Variants in TEK observed in about 807,000 individuals in gnomAD.
The protein encoded by TEK is TEK receptor tyrosine kinase.
A neutral mutation model predicts 131.8 loss-of-function variants in TEK; 43 were observed. The observed-to-expected ratio is 0.33, with a 90% CI of 0.26 to 0.42. The LOEUF is 0.42. TEK is among the 10% of genes least tolerant of loss of function. The pLI, the probability that TEK is intolerant of heterozygous loss-of-function variation, is 1.00. For missense variants in TEK, 1,162 were observed against 1,384.4 expected, an observed-to-expected ratio of 0.84 and a Z score of 2.55; for synonymous variants, 580 against 491.6, an observed-to-expected ratio of 1.18 and a Z score of -2.38.
chr9:27,206,620 G>A lies in TEK; in HGVS notation c.2403G>A (p.Leu801=), dbSNP rs1825409762. The A allele has an allele frequency of 6.2e-7, 1 of 1,613,910 alleles. No homozygotes were observed. Residue 801 remains leucine, a synonymous_variant, in exon 15 of 23, where the codon CTG becomes CTA. Transcript: ENST00000380036. ...CTGTGCAGTTCAACTCAGGGACTCT[G>A]GCCCTAAACAGGAAGGTCAAAAACA... The part of the protein sequence containing the change: ...EPAVQFNSGT[L]ALNRKVKNNP...
At chr9:27,223,289 A>G (rs1175795402) in intron 21 of TEK, among the ~76,000 whole-genome samples, 1 of 152,224 alleles carries the variant, frequency 6.6e-6, no homozygotes, top group Non-Finnish European at 1.5e-5. Flanking sequence ...ATAGACATCT[A>G]CAGAACTCTC....
In TEK at chr9:27,201,765, C is replaced by G. The variant is rs571599724; in HGVS notation, c.1910-1055C>G. ...GTTCTAAATTGTTTATAAGCAGTAACTTTCATGTGGAAAAACAATGGTGTA... is the reference window on the plus strand; with the variant it reads ...GTTCTAAATTGTTTATAAGCAGTAAGTTTCATGTGGAAAAACAATGGTGTA... On this transcript the variant is annotated intron_variant, in intron 12 of 22. Transcript: ENST00000380036. Among the ~76,000 whole-genome samples, 33 of 152,296 alleles carry G rather than the reference C, an allele frequency of 2.2e-4. 1 individual carries two copies. The South Asian group carries it at 6.6e-3, about 31-fold the overall frequency.
chr9:27,194,405 T>C (rs1243051305), intron 11 of TEK, among the ~76,000 whole-genome samples: 1 of 152,122 alleles, frequency 6.6e-6, no homozygotes. Flanking sequence ...ATAGAAGCAT[T>C]ACACACAAGT....
intron 2 of TEK, among the ~76,000 whole-genome samples, chr9:27,166,369 T>G (rs1188558359): frequency 2.0e-5 from 3 of 152,270 alleles, no homozygotes; most frequent in Non-Finnish European, 4.4e-5. Context: ...TTAGTAATTT[T>G]CAGTCTTTTT....
At chr9:27,133,109 C>T (rs1436984805) in intron 1 of TEK, among the ~76,000 whole-genome samples, 2 of 152,208 alleles carry the variant, frequency 1.3e-5, no homozygotes, top group Non-Finnish European at 2.9e-5. Flanking sequence ...CATATTGTTA[C>T]TGAGTAATGC....
chr9:27,179,209 C>G (rs1418044057), intron 6 of TEK, among the ~76,000 whole-genome samples: 1 of 152,096 alleles, frequency 6.6e-6, no homozygotes, highest in Non-Finnish European at 1.5e-5. Flanking sequence ...TTGACTCTTT[C>G]TTTTGTTATC....
Position 27,229,735 on chromosome 9 carries a change from T to C in TEK, c.*503T>C, listed in dbSNP as rs987810436. On this transcript the variant is annotated 3_prime_UTR_variant, in exon 23 of 23. Transcript: ENST00000380036. ...AAGACACTGAAAAATCTAAGTGATA[T>C]AAATCAGATTCTTCTCTCTCAATTT... The C allele has an allele frequency of 6.0e-6, 1 of 166,666 alleles. No homozygotes were observed. The highest frequency in any genetic ancestry group is 2.4e-5 in the African/African-American group (1 of 41,632). 10.3% of individuals were successfully genotyped at this position (166,666 alleles called of 1,614,324 possible).
chr9:27,174,809 C>T (rs1358154000), intron 6 of TEK, among the ~76,000 whole-genome samples: 1 of 152,014 alleles, frequency 6.6e-6, no homozygotes, highest in African/African-American at 2.4e-5. Context: ...TGACTCCAGG[C>T]AGGGGGCAGA....
At chr9:27,220,261 A>G (rs1265270938) in intron 21 of TEK, 116 bp downstream of exon 21, 1 of 861,084 alleles carries the variant, frequency 1.2e-6, no homozygotes, top group African/African-American at 1.7e-5. Flanking sequence ...ACCTACACAC[A>G]GAGATCCCAA....
At chr9:27,223,814 A>G (rs978083987) in intron 21 of TEK, among the ~76,000 whole-genome samples, 1 of 152,220 alleles carries the variant, frequency 6.6e-6, no homozygotes, top group Non-Finnish European at 1.5e-5. Context: ...CTTCAAAAAA[A>G]ATCAGTGAAT....
At chr9:27,147,644 G>A (rs899415096) in intron 1 of TEK, among the ~76,000 whole-genome samples, 4 of 152,052 alleles carry the variant, frequency 2.6e-5, no homozygotes, top group African/African-American at 9.7e-5. Flanking sequence ...AATTTTTGGT[G>A]TCATAGCTAA....
intron 11 of TEK, among the ~76,000 whole-genome samples, chr9:27,194,015 C>T (rs1222499427): frequency 6.6e-6 from 1 of 152,112 alleles, no homozygotes; most frequent in Non-Finnish European, 1.5e-5. Context: ...GCTTTGTTGC[C>T]CAGGCTGGTC....
rs570753890 is a variant in TEK at position 27,153,375 on chromosome 9, G to A, written c.53-4456G>A. Among the ~76,000 whole-genome samples the A allele has an allele frequency of 5.3e-5, 8 of 152,316 alleles. No homozygotes were observed. In the South Asian group the frequency reaches 6.2e-4, roughly 12 times the overall value. On this transcript the variant is annotated intron_variant, in intron 1 of 22. Coordinates refer to ENST00000380036, the MANE Select transcript of TEK (RefSeq NM_000459.5). ...TGAGGCAGGAGATTCTTTTGAACCCGGGAGGCGGAAGTTGCAGTGAGCCCA... is the reference window on the plus strand; with the variant it reads ...TGAGGCAGGAGATTCTTTTGAACCCAGGAGGCGGAAGTTGCAGTGAGCCCA...
intron 9 of TEK, 99 bp from the exon 10 acceptor site, chr9:27,190,430 C>A: frequency 1.4e-6 from 2 of 1,467,040 alleles, no homozygotes; most frequent in Non-Finnish European, 1.9e-6. Flanking sequence ...TTTAAGAGGA[C>A]TTTGTTGGAC....
chr9:27,142,649 C>G (rs1257936874), intron 1 of TEK, among the ~76,000 whole-genome samples: 1 of 152,212 alleles, frequency 6.6e-6, no homozygotes, highest in Non-Finnish European at 1.5e-5. Context: ...CTGGGATGAT[C>G]AAAGTACTAA....
intron 1 of TEK, 51 bp from the exon 2 acceptor site, chr9:27,157,780 G>C (rs1483303926): frequency 6.3e-7 from 1 of 1,593,624 alleles, no homozygotes; most frequent in East Asian, 2.2e-5. Context: ...TTACCCAATG[G>C]GGTCATGTTA....
At chr9:27,136,535 T>C (rs1437449748) in intron 1 of TEK, among the ~76,000 whole-genome samples, 2 of 152,144 alleles carry the variant, frequency 1.3e-5, no homozygotes, top group Admixed American at 1.3e-4. Context: ...CGGGAGCAAT[T>C]TCTCCACCCC....
intron 16 of TEK, 24 bp from the exon 17 acceptor site, chr9:27,212,683 C>T (rs759533565): frequency 5.3e-5 from 85 of 1,613,224 alleles, no homozygotes; most frequent in African/African-American, 1.1e-4. Flanking sequence ...ACTGATGAGT[C>T]GATGCTCTCT....
At chr9:27,165,898 C>A (rs1564070868) in intron 2 of TEK, among the ~76,000 whole-genome samples, 1 of 152,270 alleles carries the variant, frequency 6.6e-6, no homozygotes. Context: ...GCACAGCCCA[C>A]AGCCGATGAA....
Sources: gnomAD v4.1 joint callset for allele counts (sites outside exome capture counted in the v4.1 genomes callset) on GRCh38, gnomAD v4.1.1 for gene constraint, MANE v1.5 for transcripts, NCBI Gene and HGNC (gene_info 2026-07-23, HGNC 2026-07-21) for gene names.